The following LRCH3 variants were observed in gnomAD, a reference collection of about 807,000 sequenced individuals.
LRCH3 encodes the protein leucine rich repeats and calponin homology domain containing 3, also known as DISP complex protein LRCH3.
A neutral mutation model predicts 104.5 loss-of-function variants in LRCH3; 68 were observed. That is an observed-to-expected ratio of 0.65 (90% CI 0.54 to 0.80). LRCH3 has a LOEUF of 0.80. LRCH3 is among the 30% of genes least tolerant of loss of function. The pLI, the probability that LRCH3 is intolerant of heterozygous loss-of-function variation, is 0.00. For synonymous variants in LRCH3, 344 were observed against 361.3 expected (o/e 0.95, Z 0.54); for missense variants, 951 against 953.9 (o/e 1.00, Z 0.04).
chr3:197,800,921 C>A (rs928182285), intron 1 of LRCH3, among the ~76,000 whole-genome samples: 4 of 151,918 alleles, frequency 2.6e-5, no homozygotes, highest in Non-Finnish European at 4.4e-5. Context: ...TGGTGAAACC[C>A]CGTCTCTACT....
rs528128254 is a variant in LRCH3, at chr3:197,835,879, A to T, written c.1251+57A>T. 26 of 1,574,850 alleles carry T rather than the reference A, an allele frequency of 1.7e-5. 1 individual carries two copies. Among genetic ancestry groups the T allele is most frequent in the Admixed American group, 5.2e-5 (3 of 57,914 alleles). On this transcript the variant is annotated intron_variant, in intron 9 of 20. Transcript: ENST00000425562. ...CTATCCCTTCATAAAAATAATTCAT[A>T]ATAGTATAAAGTTTTGTTATATCAG...
chr3:197,830,635 A>G (rs1308804364), intron 6 of LRCH3, 135 bp from the exon 7 acceptor site: 4 of 639,658 alleles, frequency 6.3e-6, no homozygotes, highest in African/African-American at 1.8e-5. Flanking sequence ...TTCATATTAA[A>G]AAATTAAAGC....
intron 1 of LRCH3, among the ~76,000 whole-genome samples, chr3:197,793,044 C>G (rs1373564695): frequency 1.3e-5 from 2 of 152,206 alleles, no homozygotes; most frequent in Non-Finnish European, 2.9e-5. Context: ...CGACCTCGGC[C>G]TTACAAAAGG....
At chr3:197,835,187 T>G (rs1325397453) in intron 8 of LRCH3, among the ~76,000 whole-genome samples, 2 of 151,142 alleles carry the variant, frequency 1.3e-5, no homozygotes, top group East Asian at 3.9e-4. Flanking sequence ...TTAATTTAAT[T>G]TTTTTTTTGT....
At chr3:197,882,704 A>G in intron 20 of LRCH3, 1 of 985,322 alleles carries the variant, frequency 1.0e-6, no homozygotes, top group Non-Finnish European at 1.2e-6. Flanking sequence ...TTTTTCTCTC[A>G]CAAGAAAGGG....
At chr3:197,834,464 A>G (rs1253930862) in intron 8 of LRCH3, among the ~76,000 whole-genome samples, 2 of 152,190 alleles carry the variant, frequency 1.3e-5, no homozygotes, top group African/African-American at 4.8e-5. Flanking sequence ...TTAATTGACA[A>G]CAATTACAGG....
rs182258848 is a variant in LRCH3 at position 197,828,641 on chromosome 3, G to A, written c.778-923G>A. Reference sequence around the variant, plus strand: ...ATTACAGGTGTGAGCCACCGCGCCCGGCCCCCTTAGCTCTTTTTAACTCTG... The same window carrying A: ...ATTACAGGTGTGAGCCACCGCGCCCAGCCCCCTTAGCTCTTTTTAACTCTG... On this transcript the variant is annotated intron_variant, in intron 5 of 20. Coordinates refer to ENST00000425562, the MANE Select transcript of LRCH3 (RefSeq NM_001365715.1). 4.0e-5 allele frequency among the ~76,000 whole-genome samples: 6 copies of A among 151,422 alleles called. No homozygotes were observed. The East Asian group carries it at 9.7e-4, about 25-fold the overall frequency.
intron 1 of LRCH3, among the ~76,000 whole-genome samples, chr3:197,806,083 C>T (rs1580565880): frequency 6.6e-6 from 1 of 151,956 alleles, no homozygotes; most frequent in African/African-American, 2.4e-5. Flanking sequence ...TGTGCCACCA[C>T]ACCCGGCTAA....
chr3:197,792,611 TAC>T (rs1412132252), intron 1 of LRCH3, among the ~76,000 whole-genome samples: 4 of 73,450 alleles, frequency 5.4e-5, no homozygotes, highest in East Asian at 5.0e-4. Context: ...ATATAAAATA[TAC>T]ATATATATAT....
intron 10 of LRCH3, among the ~76,000 whole-genome samples, chr3:197,847,188 C>T (rs1738865230): frequency 6.6e-6 from 1 of 152,134 alleles, no homozygotes; most frequent in East Asian, 1.9e-4. Flanking sequence ...CAGTTGATAC[C>T]ACATGAAACG....
chr3:197,859,488 C>T (rs1740638828), intron 15 of LRCH3: 1 of 152,234 alleles, frequency 6.6e-6, no homozygotes, highest in African/African-American at 2.4e-5. Flanking sequence ...ATCGCAAACC[C>T]CTGCTTTTTA....
At chr3:197,809,196 A>C (rs1216506208) in intron 1 of LRCH3, among the ~76,000 whole-genome samples, 1 of 149,510 alleles carries the variant, frequency 6.7e-6, no homozygotes, top group African/African-American at 2.5e-5. Flanking sequence ...TCCTCAGGAG[A>C]CTGGGGTGGG....
rs541874100 is a variant in LRCH3, at chr3:197,861,785, T to G, written c.1716+2880T>G. 2.6e-5 allele frequency among the ~76,000 whole-genome samples: 4 copies of G among 152,140 alleles called. No individual in the cohort carries two copies. In the East Asian group the frequency reaches 5.8e-4, roughly 22 times the overall value. ...CTAGTGAGAGATTATTTCTTAACCT[T>G]TTTTTTGCTCTCCAGTTTTCCAAGA... On this transcript the variant is annotated intron_variant, in intron 15 of 20. Transcript: ENST00000425562.
intron 19 of LRCH3, chr3:197,871,679 G>T (rs1712211323): frequency 2.2e-6 from 1 of 457,242 alleles, no homozygotes; most frequent in Non-Finnish European, 3.6e-6. Flanking sequence ...TACAGTGTGT[G>T]TTATAGGGAT....
intron 1 of LRCH3, among the ~76,000 whole-genome samples, chr3:197,808,908 A>AG (rs1454528072): frequency 6.6e-6 from 1 of 150,902 alleles, no homozygotes; most frequent in Non-Finnish European, 1.5e-5. Flanking sequence ...TCAGAAAAAA[A>AG]AAGGATGATG....
intron 17 of LRCH3, among the ~76,000 whole-genome samples, chr3:197,869,341 GGTGC>G (rs1430812238): frequency 8.1e-5 from 12 of 147,740 alleles, no homozygotes; most frequent in Admixed American, 2.0e-4. Context: ...AGTAGAAAGC[GGTGC>G]ACTGTACCTG....
At chr3:197,818,091 G>C (rs1412786646) in intron 3 of LRCH3, among the ~76,000 whole-genome samples, 1 of 152,072 alleles carries the variant, frequency 6.6e-6, no homozygotes, top group African/African-American at 2.4e-5. Flanking sequence ...AAAGTGCTGG[G>C]ATTACAGGCG....
rs1022372394 is a variant in LRCH3 at position 197,858,700 on chromosome 3, A to G, written c.1645-134A>G. ...CCAAATATTCTCTTCCTGCCCTGTC[A>G]GTAGCTTAGTAAACCATTTGAAAGA... is the stretch of plus-strand genomic sequence containing the variant. On this transcript the variant is annotated intron_variant, in intron 14 of 20. Transcript: ENST00000425562. 82 of 751,950 alleles carry G rather than the reference A, an allele frequency of 1.1e-4. No individual in the cohort carries two copies. The East Asian group carries it at 2.0e-3, about 18-fold the overall frequency. 46.6% of individuals were successfully genotyped at this position (751,950 alleles called of 1,614,324 possible). A position where few individuals can be genotyped will look rare whatever the true frequency, so the allele number is the denominator to read the frequency against.
intron 8 of LRCH3, among the ~76,000 whole-genome samples, chr3:197,832,835 C>T (rs1182398165): frequency 6.6e-6 from 1 of 152,106 alleles, no homozygotes; most frequent in Non-Finnish European, 1.5e-5. Flanking sequence ...GCTTATACTT[C>T]CGAAGCAGAC....
Sources: gnomAD v4.1 joint callset for allele counts (sites outside exome capture counted in the v4.1 genomes callset) on GRCh38, gnomAD v4.1.1 for gene constraint, MANE v1.5 for transcripts, NCBI Gene and HGNC (gene_info 2026-07-23, HGNC 2026-07-21) for gene names.